HAS3: variants seen among roughly 807,000 people sequenced by gnomAD.
HAS3 encodes the protein hyaluronan synthase 3, also known as HA synthase 3.
HAS3 carries 27 observed loss-of-function variants against 50.3 expected under a neutral mutation model. That is an observed-to-expected ratio of 0.54 (90% CI 0.40 to 0.74). The LOEUF (loss-of-function observed/expected upper bound fraction) is 0.74, where lower values mean the gene tolerates loss of function less well. Ranked by LOEUF, HAS3 falls within the 30% of genes least tolerant of loss-of-function variation. HAS3 has a pLI of 0.00. For missense variants in HAS3, 517 were observed against 742.8 expected (o/e 0.70, Z 3.53); for synonymous variants, 339 against 310.9 (o/e 1.09, Z -0.95).
chr16:69,094,789 A>G, the HAS3 span, among the ~76,000 whole-genome samples: 5 of 152,304 alleles, frequency 3.3e-5, no homozygotes, highest in African/African-American at 1.2e-4. Context: ...CAGACAGCAA[A>G]CTGAGTGAAC....
the HAS3 span, among the ~76,000 whole-genome samples, chr16:69,095,461 G>T: frequency 6.6e-6 from 1 of 152,086 alleles, no homozygotes; most frequent in South Asian, 2.1e-4. Context: ...CCGCTGAGGA[G>T]AACCCTCGGG....
rs1394021943 is a variant in HAS3 at position 69,116,173 on chromosome 16, C to A, written c.*907C>A. The A allele has an allele frequency of 1.0e-6, 1 of 985,196 alleles. No individual in the cohort carries two copies. The highest frequency in any genetic ancestry group is 1.7e-5 in the African/African-American group (1 of 57,252). 61.0% of individuals were successfully genotyped at this position (985,196 alleles called of 1,614,324 possible). On this transcript the variant is annotated 3_prime_UTR_variant, in exon 4 of 4. Coordinates refer to ENST00000569188, the MANE Select transcript of HAS3 (RefSeq NM_001199280.2). The stretch of plus-strand genomic sequence containing the variant: ...TCTCAAATTCAGCTCTGATCTGAGG[C>A]TAAGACACACTCCCCACTTCACTTT...
At chr16:69,083,631 G>A in the HAS3 span, 6 of 1,569,898 alleles carry the variant, frequency 3.8e-6, no homozygotes, top group Non-Finnish European at 5.2e-6. Flanking sequence ...CTCCACAGAA[G>A]CTGGAGAAGA....
In HAS3 at chr16:69,116,138, CTT is replaced by C; in HGVS notation, c.*873_*874del. 1 of 985,336 alleles carries C rather than the reference CTT, an allele frequency of 1.0e-6. No homozygotes were observed. Among genetic ancestry groups the C allele is most frequent in the Non-Finnish European group, 1.2e-6 (1 of 829,794 alleles). 61.0% of individuals were successfully genotyped at this position (985,336 alleles called of 1,614,324 possible). ...TCTTGGGTATTTTAACCTGTATACT[CTT>C]GAATTCCTCTCAAATTCAGCTCTGA... On this transcript the variant is annotated 3_prime_UTR_variant, in exon 4 of 4. Coordinates refer to ENST00000569188, the MANE Select transcript of HAS3 (RefSeq NM_001199280.2).
rs1961227292 is a variant in HAS3, at chr16:69,117,321, C to G, written c.*2055C>G. The G allele has an allele frequency of 5.1e-6, 5 of 985,808 alleles. No homozygotes were observed. The highest frequency in any genetic ancestry group is 6.1e-5 in the Admixed American group (1 of 16,284). The allele number at this position is 985,808 out of a possible 1,614,324, so 61.1% of individuals were successfully genotyped here. A position where few individuals can be genotyped will look rare whatever the true frequency, so the allele number is the denominator to read the frequency against. ...CATCAGCTCTGCCTTGCACTGTGGTCGTCAACTTTCCTCAAATCAAAAACA... is the reference window on the plus strand; with the variant it reads ...CATCAGCTCTGCCTTGCACTGTGGTGGTCAACTTTCCTCAAATCAAAAACA... On this transcript the variant is annotated 3_prime_UTR_variant, in exon 4 of 4. Transcript: ENST00000569188.
the HAS3 span, among the ~76,000 whole-genome samples, chr16:69,097,290 G>T: frequency 3.3e-5 from 5 of 152,090 alleles, no homozygotes; most frequent in African/African-American, 1.2e-4. Context: ...TCCTGGCCAA[G>T]ATGGTGAAAC....
Position 69,115,684 on chromosome 16 carries a change from G to C in HAS3, c.*418G>C. The C allele has an allele frequency of 1.0e-6, 1 of 993,422 alleles. No individual in the cohort carries two copies. The highest frequency in any genetic ancestry group is 1.2e-6 in the Non-Finnish European group (1 of 835,616). 61.5% of individuals were successfully genotyped at this position (993,422 alleles called of 1,614,324 possible). A position where few individuals can be genotyped will look rare whatever the true frequency, so the allele number is the denominator to read the frequency against. ...CTGAACACAACCAGAGGTGGCAGGA[G>C]AATTTCTACTGAGCGAGCTGGGCCG... On this transcript the variant is annotated 3_prime_UTR_variant, in exon 4 of 4. Transcript: ENST00000569188.
Position 69,109,745 on chromosome 16 carries a change from A to G in HAS3, c.350A>G (p.Lys117Arg). ...SAQRISFPDL[K>R]VVMVVDGNRQ... The stretch of plus-strand genomic sequence containing the variant: ...CAGCGCATCTCCTTCCCTGACCTCA[A>G]GGTGGTCATGGTGGTGGATGGCAAC... The change falls in exon 2 of 4, where the codon AAG (lysine) becomes AGG (arginine). Residue 117 changes from lysine to arginine, a missense_variant. By Grantham distance (26) the Lys-to-Arg change is conservative. Coordinates refer to ENST00000569188, the MANE Select transcript of HAS3 (RefSeq NM_001199280.2). The surrounding 1 kb of genome is among the most constrained non-coding windows in gnomAD (Gnocchi z 5.3). 6.2e-7 allele frequency: 1 copy of G among 1,611,386 alleles called. No homozygotes were observed. The highest frequency in any genetic ancestry group is 2.2e-5 in the East Asian group (1 of 44,858).
rs1166913323 is a variant in HAS3 at position 69,110,023 on chromosome 16, T to C, written c.628T>C (p.Tyr210His). Reference sequence around the variant, plus strand: ...CAAGGCCCTCGGCGATTCGGTGGACTACATCCAGGTAAGGGCGCCTCCCTA... The same window carrying C: ...CAAGGCCCTCGGCGATTCGGTGGACCACATCCAGGTAAGGGCGCCTCCCTA... ...AFKALGDSVD[Y>H]IQVCDSDTVL... The change falls in exon 2 of 4, where the codon TAC (tyrosine) becomes CAC (histidine). Residue 210 changes from tyrosine (Y) to histidine (H), a missense_variant. Physicochemically the swap from Tyr to His is moderately conservative, Grantham distance 83 (BLOSUM62 2). Transcript: ENST00000569188. 6.2e-7 allele frequency: 1 copy of C among 1,604,908 alleles called. No homozygotes were observed. The highest frequency in any genetic ancestry group is 2.2e-5 in the East Asian group (1 of 44,694).
chr16:69,114,246 G>C lies in HAS3; in HGVS notation c.739-97G>C, dbSNP rs184010153. ...ACCGATGGCCAGGAATCTAAGCAGCGGGCCACAGAAGCCATGGTAAGGAGG... is the reference window on the plus strand; with the variant it reads ...ACCGATGGCCAGGAATCTAAGCAGCCGGCCACAGAAGCCATGGTAAGGAGG... On this transcript the variant is annotated intron_variant, in intron 3 of 3. Transcript: ENST00000569188. This position sits in a 1 kb window ranked among gnomAD's most constrained non-coding sequence, Gnocchi z 6.4. 1.3e-6 allele frequency: 2 copies of C among 1,496,784 alleles called. No individual in the cohort carries two copies. Among genetic ancestry groups the C allele is most frequent in the East Asian group, 4.5e-5 (2 of 43,970 alleles). The allele number at this position is 1,496,784 out of a possible 1,614,324, so 92.7% of individuals were successfully genotyped here.
chr16:69,093,750 G>A, the HAS3 span, among the ~76,000 whole-genome samples: 14 of 151,716 alleles, frequency 9.2e-5, no homozygotes, highest in Non-Finnish European at 1.8e-4. Flanking sequence ...GGCTGGTCTC[G>A]AACTCCCGAC....
In HAS3 at chr16:69,115,484, A is replaced by T. The variant is rs1961152026; in HGVS notation, c.*218A>T. ...TCCCCCAGATGCAGGGCTGCAGGGGATTCTGTGTTTTCAGACTGCCTGTCT... is the reference window on the plus strand; with the variant it reads ...TCCCCCAGATGCAGGGCTGCAGGGGTTTCTGTGTTTTCAGACTGCCTGTCT... On this transcript the variant is annotated 3_prime_UTR_variant, in exon 4 of 4. Coordinates refer to ENST00000569188, the MANE Select transcript of HAS3 (RefSeq NM_001199280.2). 1.6e-6 allele frequency: 2 copies of T among 1,264,328 alleles called. No individual in the cohort carries two copies. The allele number at this position is 1,264,328 out of a possible 1,614,324, so 78.3% of individuals were successfully genotyped here.
In HAS3 at chr16:69,110,013, T is replaced by G; in HGVS notation, c.618T>G (p.Asp206Glu). The G allele has an allele frequency of 6.2e-7, 1 of 1,607,118 alleles. No individual in the cohort carries two copies. Among genetic ancestry groups the G allele is most frequent in the Non-Finnish European group, 8.5e-7 (1 of 1,174,786 alleles). The change falls in exon 2 of 4, where the codon GAT becomes GAG. Residue 206 changes from aspartate (D) to glutamate (E), a missense_variant. Coordinates refer to ENST00000569188, the MANE Select transcript of HAS3 (RefSeq NM_001199280.2). The part of the protein sequence containing the change: ...VMYTAFKALG[D>E]SVDYIQVCDS... The stretch of plus-strand genomic sequence containing the variant: ...ACACGGCCTTCAAGGCCCTCGGCGA[T>G]TCGGTGGACTACATCCAGGTAAGGG...
chr16:69,118,515 C>A, downstream of HAS3: 1 of 1,015,318 alleles, frequency 9.8e-7, no homozygotes, highest in Non-Finnish European at 1.6e-6. Context: ...GACCTGCAGG[C>A]CAATGTATCC....
Position 69,109,301 on chromosome 16 carries a change from G to A in HAS3, c.1-95G>A, listed in dbSNP as rs1567578827. ...TAAGCGGTAACGGTTTTGATCAGTG[G>A]GTCATGTCCACTAGTAACAGAGAAC... On this transcript the variant is annotated intron_variant, in intron 1 of 3. Transcript: ENST00000569188. This position sits in a 1 kb window ranked among gnomAD's most constrained non-coding sequence, Gnocchi z 5.3. 1 of 1,260,696 alleles carries A rather than the reference G, an allele frequency of 7.9e-7. No homozygotes were observed. The highest frequency in any genetic ancestry group is 1.1e-6 in the Non-Finnish European group (1 of 914,568). 78.1% of individuals were successfully genotyped at this position (1,260,696 alleles called of 1,614,324 possible). A position where few individuals can be genotyped will look rare whatever the true frequency, so the allele number is the denominator to read the frequency against.
upstream of HAS3, among the ~76,000 whole-genome samples, chr16:69,101,848 G>T (rs1052183695): frequency 6.6e-6 from 1 of 151,356 alleles, no homozygotes; most frequent in East Asian, 1.9e-4. Flanking sequence ...GCAGTGGCAC[G>T]ATCTCGGCTC....
At chr16:69,085,190 C>T in the HAS3 span, 1 of 152,340 alleles carries the variant, frequency 6.6e-6, no homozygotes. Context: ...TAACTAGACT[C>T]CACGCAACCC....
At chr16:69,112,159 C>CT (rs1249150914) in intron 2 of HAS3, among the ~76,000 whole-genome samples, 5 of 152,228 alleles carry the variant, frequency 3.3e-5, no homozygotes, top group Non-Finnish European at 7.3e-5. Context: ...CATCCCTGGA[C>CT]TGAAGGAAGC....
At chr16:69,095,514 AT>A in the HAS3 span, among the ~76,000 whole-genome samples, 6,549 of 144,242 alleles carry the variant, frequency 0.045, 425 homozygotes, top group African/African-American at 0.15. Flanking sequence ...TGCCTGGGGA[AT>A]TTTTTTTTTT....
Sources: gnomAD v4.1 joint callset for allele counts (sites outside exome capture counted in the v4.1 genomes callset) on GRCh38, gnomAD v4.1.1 for gene constraint, Gnocchi (gnomAD v3.1) non-coding constraint, MANE v1.5 for transcripts, NCBI Gene and HGNC (gene_info 2026-07-23, HGNC 2026-07-21) for gene names.